The following WDFY3 variants were observed in gnomAD, a reference collection of about 807,000 sequenced individuals.
WDFY3 encodes the protein WD repeat and FYVE domain-containing protein 3.
A neutral mutation model predicts 409.6 loss-of-function variants in WDFY3; 66 were observed. That is an observed-to-expected ratio of 0.16 (90% CI 0.13 to 0.20). The LOEUF (loss-of-function observed/expected upper bound fraction) is 0.20. Among genes scored for constraint, WDFY3 ranks in the 10% least tolerant of loss-of-function variants. The probability of loss-of-function intolerance (pLI) is 1.00; values close to 1 mark genes in which losing one functional copy is unlikely to be tolerated. For synonymous variants in WDFY3, 1,521 were observed against 1,537.1 expected, an observed-to-expected ratio of 0.99 and a Z score of 0.25; for missense variants, 3,031 against 4,298.1, an observed-to-expected ratio of 0.71 and a Z score of 8.24.
At chr4:84,928,863 C>A (rs1473899948) in intron 2 of WDFY3, among the ~76,000 whole-genome samples, 1 of 152,132 alleles carries the variant, frequency 6.6e-6, no homozygotes, top group Non-Finnish European at 1.5e-5. Context: ...TTGAATAAGT[C>A]TACACAGGAC....
chr4:84,918,815 G>GTATATATATATAGATATATATATA (rs1768856280), intron 2 of WDFY3, among the ~76,000 whole-genome samples: 2 of 138,418 alleles, frequency 1.4e-5, no homozygotes, highest in East Asian at 4.2e-4. Context: ...GTGTGTGTGT[G>GTATATATATATAGATATATATATA]TATATATATA....
intron 2 of WDFY3, among the ~76,000 whole-genome samples, chr4:84,926,468 C>T (rs1245279065): frequency 1.3e-5 from 2 of 151,922 alleles, no homozygotes; most frequent in Non-Finnish European, 2.9e-5. Context: ...ATTATAAAAA[C>T]TTTTTATACT....
intron 37 of WDFY3, 64 bp from the exon 38 acceptor site, chr4:84,741,985 C>CAAA: frequency 7.9e-7 from 1 of 1,273,752 alleles, no homozygotes; most frequent in Non-Finnish European, 1.0e-6. Flanking sequence ...ACCAGATCCT[C>CAAA]AAAAAAAAAA....
At chr4:84,728,448 TG>T (rs1736026850) in intron 44 of WDFY3, among the ~76,000 whole-genome samples, 1 of 152,006 alleles carries the variant, frequency 6.6e-6, no homozygotes, top group South Asian at 2.1e-4. Flanking sequence ...GAGGATTACT[TG>T]AGCCCAGGAG....
Position 84,672,805 on chromosome 4 carries a change from G to C in WDFY3, c.*63C>G. 2 of 1,594,046 alleles carry C rather than the reference G, an allele frequency of 1.3e-6. No individual in the cohort carries two copies. The highest frequency in any genetic ancestry group is 1.7e-6 in the Non-Finnish European group (2 of 1,171,344). On this transcript the variant is annotated 3_prime_UTR_variant, in exon 68 of 68. Transcript: ENST00000295888. ...GGAGACTGTTTTCAATGCCTTCCAA[G>C]CTGGGACAGGAGAATCGGGAAGGGG...
At chr4:84,800,683 A>G (rs1750363377) in intron 17 of WDFY3, among the ~76,000 whole-genome samples, 1 of 152,056 alleles carries the variant, frequency 6.6e-6, no homozygotes, top group Admixed American at 6.6e-5. Flanking sequence ...GTGGAAGACA[A>G]TTTTTTCACA....
intron 53 of WDFY3, among the ~76,000 whole-genome samples, chr4:84,707,226 G>C (rs890771953): frequency 4.6e-5 from 7 of 152,006 alleles, no homozygotes; most frequent in Non-Finnish European, 8.8e-5. Flanking sequence ...CACAGCACCT[G>C]GTCACTGAAT....
intron 36 of WDFY3, among the ~76,000 whole-genome samples, chr4:84,749,860 G>A (rs529657934): frequency 6.6e-6 from 1 of 152,168 alleles, no homozygotes; most frequent in South Asian, 2.1e-4. Flanking sequence ...GCAAATTCAT[G>A]CCCACAACAA....
intron 34 of WDFY3, 87 bp downstream of exon 34, chr4:84,755,179 T>G: frequency 6.4e-7 from 1 of 1,557,678 alleles, no homozygotes; most frequent in East Asian, 2.3e-5. Context: ...ATAAAGTAGT[T>G]ATGTTACCAA....
chr4:84,924,645 C>T (rs142646238), intron 2 of WDFY3, among the ~76,000 whole-genome samples: 24 of 152,320 alleles, frequency 1.6e-4, no homozygotes, highest in Middle Eastern at 3.4e-3. Context: ...AGAAACAGGT[C>T]TGTCTGCCTT....
At chr4:84,829,851 T>A (rs1043342099) in intron 8 of WDFY3, among the ~76,000 whole-genome samples, 4 of 58,166 alleles carry the variant, frequency 6.9e-5, no homozygotes, top group African/African-American at 2.6e-4. Flanking sequence ...ATAAATAAAT[T>A]AGAGAGACTA....
chr4:84,801,787 C>T lies in WDFY3; in HGVS notation c.2685G>A (p.Met895Ile). 1 of 1,614,194 alleles carries T rather than the reference C, an allele frequency of 6.2e-7. No homozygotes were observed. The highest frequency in any genetic ancestry group is 8.5e-7 in the Non-Finnish European group (1 of 1,180,038). ...GTCGTGCATGAAGACCAGCTTCACA[C>T]ATGACTTGCTGGTTCCTTTCTGTGT... Reference protein sequence around the residue: ...LVHTERNQQVMCEAGLHARLL... With the variant: ...LVHTERNQQVICEAGLHARLL... The change falls in exon 17 of 68, where the codon ATG becomes ATA. Residue 895 changes from methionine to isoleucine, a missense_variant. Physicochemically the swap from Met to Ile is conservative, Grantham distance 10. Around this residue, in one of 16 missense-constraint regions of WDFY3, gnomAD observed 1,322 missense variants for 1,697.9 expected, o/e 0.78. Coordinates refer to ENST00000295888, the MANE Select transcript of WDFY3 (RefSeq NM_014991.6).
chr4:84,683,931 C>T lies in WDFY3; in HGVS notation c.9726+12G>A. 6.4e-7 allele frequency: 1 copy of T among 1,569,150 alleles called. No homozygotes were observed. The highest frequency in any genetic ancestry group is 8.7e-7 in the Non-Finnish European group (1 of 1,148,750). The stretch of plus-strand genomic sequence containing the variant: ...CAAATATCCTAATGAGTTTTTCTCT[C>T]AGTTCACTTACCCGAACCACTCCAT... On this transcript the variant is annotated intron_variant, in intron 63 of 67. Transcript: ENST00000295888.
Position 84,684,090 on chromosome 4 carries a change from A to G in WDFY3, c.9579T>C (p.His3193=). Residue 3193 remains histidine (H), a synonymous_variant, in exon 63 of 68, where the codon CAT becomes CAC. Coordinates refer to ENST00000295888, the MANE Select transcript of WDFY3 (RefSeq NM_014991.6). ...TAGGGTTCCCATTGATGCTCCACACATGGATATATGTGCCAGCGCAGGACA... is the reference window on the plus strand; with the variant it reads ...TAGGGTTCCCATTGATGCTCCACACGTGGATATATGTGCCAGCGCAGGACA... ...DIVSCAGTYI[H]VWSINGNPIV... 1 of 1,607,260 alleles carries G rather than the reference A, an allele frequency of 6.2e-7. No homozygotes were observed. The highest frequency in any genetic ancestry group is 8.5e-7 in the Non-Finnish European group (1 of 1,174,320).
chr4:84,759,401 A>G (rs1463073955), intron 32 of WDFY3, among the ~76,000 whole-genome samples: 3 of 152,094 alleles, frequency 2.0e-5, no homozygotes, highest in Admixed American at 6.5e-5. Flanking sequence ...GGGCAGTATG[A>G]CCATTTTCAT....
At chr4:84,879,793 A>C (rs994476246) in intron 3 of WDFY3, among the ~76,000 whole-genome samples, 1 of 152,218 alleles carries the variant, frequency 6.6e-6, no homozygotes, top group Non-Finnish European at 1.5e-5. Flanking sequence ...AGAGAAAGGC[A>C]AACAACCCAA....
chr4:84,743,679 A>C (rs746749754), intron 37 of WDFY3, 21 bp downstream of exon 37: 15 of 1,499,772 alleles, frequency 1.0e-5, no homozygotes, highest in Non-Finnish European at 1.3e-5. Flanking sequence ...GTATTTCTAT[A>C]AAATAAAAAC....
At chr4:84,847,059 G>A (rs778209678) in intron 5 of WDFY3, among the ~76,000 whole-genome samples, 1 of 152,126 alleles carries the variant, frequency 6.6e-6, no homozygotes. Context: ...GAGGGAGTAC[G>A]CATTGAGGGG....
chr4:84,751,354 C>T (rs1740483320), intron 36 of WDFY3, 129 bp downstream of exon 36: 1 of 954,460 alleles, frequency 1.0e-6, no homozygotes, highest in South Asian at 1.6e-5. Flanking sequence ...TTTCCACAGC[C>T]TATAACATGT....
Sources: gnomAD v4.1 joint callset for allele counts (sites outside exome capture counted in the v4.1 genomes callset) on GRCh38, gnomAD v4.1.1 for gene constraint, gnomAD v4.1.1 regional missense constraint, MANE v1.5 for transcripts, NCBI Gene and HGNC (gene_info 2026-07-23, HGNC 2026-07-21) for gene names.